The following DPP6 variants were observed in gnomAD, a reference collection of about 807,000 sequenced individuals.
The protein encoded by DPP6 is A-type potassium channel modulatory protein DPP6.
DPP6 carries 69 observed loss-of-function variants against 122.6 expected under a neutral mutation model. That is an observed-to-expected ratio of 0.56 (90% confidence interval 0.46 to 0.69). The LOEUF (loss-of-function observed/expected upper bound fraction) is 0.69, where lower values mean the gene tolerates loss of function less well. Among genes scored for constraint, DPP6 ranks in the 30% least tolerant of loss-of-function variants. The pLI is 0.00. For synonymous variants in DPP6, 418 were observed against 433.1 expected, an observed-to-expected ratio of 0.97 and a Z score of 0.43; for missense variants, 928 against 1,116.9, an observed-to-expected ratio of 0.83 and a Z score of 2.41.
chr7:154,727,900 CAG>C lies in DPP6; in HGVS notation c.883+19_883+20del. On this transcript the variant is annotated intron_variant, in intron 8 of 25. Transcript: ENST00000377770. ...TGGCTGTATGAAGGTAAGATGTGCA[CAG>C]AGAGAAAAAAGGAAGATTTGTGGTT... 6.4e-7 allele frequency: 1 copy of C among 1,568,656 alleles called. No individual in the cohort carries two copies. Among genetic ancestry groups the C allele is most frequent in the Admixed American group, 1.9e-5 (1 of 53,618 alleles).
At chr7:154,323,277 T>C (rs530692812) in intron 1 of DPP6, among the ~76,000 whole-genome samples, 1 of 152,208 alleles carries the variant, frequency 6.6e-6, no homozygotes, top group Admixed American at 6.5e-5. Flanking sequence ...TATAGTTCTT[T>C]AAATTGGCAC....
chr7:153,769,735 C>CT, the DPP6 span, among the ~76,000 whole-genome samples: 115 of 152,198 alleles, frequency 7.6e-4, 1 homozygote, highest in Admixed American at 6.7e-3. Flanking sequence ...GAGCTCCTCA[C>CT]TTTTTTTTAA....
chr7:154,339,150 G>A (rs944893641), intron 1 of DPP6, among the ~76,000 whole-genome samples: 2 of 152,204 alleles, frequency 1.3e-5, no homozygotes, highest in Admixed American at 6.5e-5. Flanking sequence ...TTCATAGACT[G>A]TAGGAAAATG....
intron 19 of DPP6, among the ~76,000 whole-genome samples, chr7:154,873,366 C>T (rs1804551124): frequency 6.6e-6 from 1 of 152,136 alleles, no homozygotes; most frequent in Non-Finnish European, 1.5e-5. Flanking sequence ...CCACCTGGAC[C>T]GTTGAGCAAA....
At chr7:154,012,500 C>CA (rs1459733702) in intron 1 of DPP6, among the ~76,000 whole-genome samples, 1 of 152,084 alleles carries the variant, frequency 6.6e-6, no homozygotes, top group East Asian at 1.9e-4. Flanking sequence ...TTTTGTGCAT[C>CA]AAACACCATT....
chr7:154,758,924 G>T (rs752671290), intron 8 of DPP6, among the ~76,000 whole-genome samples: 2 of 152,154 alleles, frequency 1.3e-5, no homozygotes, highest in Non-Finnish European at 2.9e-5. Context: ...GTGAGAGCAC[G>T]CAGCCTCTAT....
At chr7:154,164,020 G>A (rs945058852) in intron 1 of DPP6, among the ~76,000 whole-genome samples, 2 of 152,128 alleles carry the variant, frequency 1.3e-5, no homozygotes, top group Admixed American at 6.5e-5. Flanking sequence ...TCGATGCCTG[G>A]TTTGGCTACC....
chr7:154,874,385 A>C (rs1804675767), intron 19 of DPP6, among the ~76,000 whole-genome samples: 1 of 152,212 alleles, frequency 6.6e-6, no homozygotes, highest in African/African-American at 2.4e-5. Context: ...GGGACCGGCC[A>C]GGCAACCCCA....
chr7:154,190,475 C>T (rs1034745353), intron 1 of DPP6, among the ~76,000 whole-genome samples: 3 of 152,264 alleles, frequency 2.0e-5, no homozygotes, highest in Admixed American at 2.0e-4. Context: ...AATCATATCT[C>T]AATCTTGGAA....
At chr7:154,438,506 A>G (rs1023131445) in intron 1 of DPP6, among the ~76,000 whole-genome samples, 13 of 151,310 alleles carry the variant, frequency 8.6e-5, no homozygotes, top group Non-Finnish European at 1.8e-4. Context: ...AAGAAAAGAA[A>G]AAAAGAAATA....
chr7:154,082,054 A>G (rs1804052336), intron 1 of DPP6, among the ~76,000 whole-genome samples: 1 of 151,944 alleles, frequency 6.6e-6, no homozygotes, highest in Admixed American at 6.6e-5. Flanking sequence ...GAGGACTTCA[A>G]CCCTCTTAGA....
intron 1 of DPP6, among the ~76,000 whole-genome samples, chr7:153,968,269 T>C (rs1455228886): frequency 7.3e-5 from 11 of 151,362 alleles, no homozygotes. Context: ...TGAGACGGTA[T>C]GTCATTGTGG....
intron 2 of DPP6, among the ~76,000 whole-genome samples, chr7:154,452,048 C>A (rs946221614): frequency 2.6e-5 from 4 of 152,218 alleles, no homozygotes; most frequent in Non-Finnish European, 5.9e-5. Context: ...AGCTCCAGAG[C>A]AGTGTCAAAT....
chr7:154,292,424 A>G (rs1355436870), intron 1 of DPP6, among the ~76,000 whole-genome samples: 1 of 152,200 alleles, frequency 6.6e-6, no homozygotes, highest in Non-Finnish European at 1.5e-5. Context: ...TACAAGGGCA[A>G]TCTGTCAGCA....
chr7:153,936,704 G>T (rs944569055), intron 1 of DPP6, among the ~76,000 whole-genome samples: 2 of 152,018 alleles, frequency 1.3e-5, no homozygotes, highest in African/African-American at 4.8e-5. Context: ...CCAGCTACTC[G>T]GGAGGCTGAG....
intron 1 of DPP6, among the ~76,000 whole-genome samples, chr7:154,036,645 G>T (rs531546477): frequency 6.6e-6 from 1 of 151,722 alleles, no homozygotes; most frequent in Non-Finnish European, 1.5e-5. Context: ...CTGGAAGTAC[G>T]ATTGGAAATG....
chr7:154,704,227 C>A (rs1840697567), intron 7 of DPP6, among the ~76,000 whole-genome samples: 1 of 152,106 alleles, frequency 6.6e-6, no homozygotes. Flanking sequence ...AGAAGTAGAG[C>A]CTGAAGATGT....
At position 154,481,524 on chromosome 7, in the gene DPP6, GC is replaced by G. The variant is rs1343191468; in HGVS notation, c.457+6493del. On this transcript the variant is annotated intron_variant, in intron 3 of 25. Transcript: ENST00000377770. This position sits in a 1 kb window ranked among gnomAD's most constrained non-coding sequence, Gnocchi z 4.2. ...TGCCCACTGTGCGAGCACAGCCCTG[GC>G]CCCCCGACCCTCCATGTCTCAGACT... is the stretch of plus-strand genomic sequence containing the variant. Among the ~76,000 whole-genome samples, 1 of 147,912 alleles carries G rather than the reference GC, an allele frequency of 6.8e-6. No individual in the cohort carries two copies. The highest frequency in any genetic ancestry group is 2.0e-4 in the East Asian group (1 of 4,982).
chr7:153,816,308 T>C, the DPP6 span, among the ~76,000 whole-genome samples: 2 of 72,058 alleles, frequency 2.8e-5, no homozygotes, highest in Admixed American at 1.3e-4. Context: ...AAATTTCCTA[T>C]GTTAATATAT....
Sources: allele counts gnomAD v4.1 joint callset (sites outside exome capture counted in the v4.1 genomes callset), GRCh38; gene constraint gnomAD v4.1.1; non-coding constraint Gnocchi (gnomAD v3.1); transcripts MANE v1.5; gene names NCBI Gene and HGNC (gene_info 2026-07-23, HGNC 2026-07-21).